RGS22: variants seen among roughly 807,000 people sequenced by gnomAD.
RGS22 encodes regulator of G protein signaling 22, also known as regulator of G-protein signaling 22.
Under a neutral mutation model 172.9 loss-of-function variants are expected in RGS22, and 148 were observed. The ratio of observed to expected loss-of-function variants is 0.86; its 90% confidence interval spans 0.75 to 0.98. The LOEUF (loss-of-function observed/expected upper bound fraction) is 0.98. RGS22 is among the 50% of genes least tolerant of loss of function. The pLI is 0.00. For missense variants in RGS22, 1,347 were observed against 1,440.8 expected (o/e 0.93, Z 1.05); for synonymous variants, 458 against 480.2 (o/e 0.95, Z 0.60).
At chr8:99,999,220 G>T (rs995535789) in intron 19 of RGS22, 42 bp downstream of exon 19, 43 of 1,558,800 alleles carry the variant, frequency 2.8e-5, no homozygotes, top group Non-Finnish European at 3.7e-5. Flanking sequence ...GTTTTCAGAG[G>T]TACTGACAAC....
rs374740685 is a variant in RGS22 at position 100,003,954 on chromosome 8, G to A, written c.2599C>T (p.Arg867Cys). The A allele has an allele frequency of 1.2e-5, 19 of 1,607,550 alleles. No individual in the cohort carries two copies. The highest frequency in any genetic ancestry group is 2.7e-5 in the African/African-American group (2 of 74,700). The change falls in exon 17 of 28, where the codon CGT (arginine) becomes TGT (cysteine). Residue 867 changes from arginine to cysteine, a missense_variant. Arg to Cys is a radical substitution (Grantham distance 180). Coordinates refer to ENST00000360863, the MANE Select transcript of RGS22 (RefSeq NM_015668.5). ...LNNKLEFEHF[R>C]QFLETHSSSM... ...GAAGAATGAGTCTCAAGAAACTGAC[G>A]GAAATGTTCAAACTCCAGTTTGTTG...
chr8:100,019,597 G>GT (rs1205772397), intron 14 of RGS22, among the ~76,000 whole-genome samples: 1 of 152,140 alleles, frequency 6.6e-6, no homozygotes, highest in Non-Finnish European at 1.5e-5. Flanking sequence ...CTCGTAGAGC[G>GT]TATCACCAGA....
chr8:100,042,069 C>A, intron 11 of RGS22, 153 bp from the exon 12 acceptor site: 3 of 502,426 alleles, frequency 6.0e-6, no homozygotes, highest in East Asian at 3.5e-5. Context: ...TCGTTCTAGC[C>A]CTAAAGTGGT....
chr8:100,040,045 T>A lies in RGS22; in HGVS notation c.1981A>T (p.Met661Leu). ...SDVGALGGSD[M>L]ENLLQSLYVE... ...TACAAAGATTGCAACAAATTTTCCA[T>A]GTCAGATCCTCCCAAGGCACCAACA... Residue 661 changes from methionine (M) to leucine (L), a missense_variant, in exon 13 of 28, where the codon ATG (methionine) becomes TTG (leucine). By Grantham distance (15) the Met-to-Leu change is conservative (BLOSUM62 2). Coordinates refer to ENST00000360863, the MANE Select transcript of RGS22 (RefSeq NM_015668.5). The A allele has an allele frequency of 6.2e-7, 1 of 1,610,250 alleles. No homozygotes were observed. The highest frequency in any genetic ancestry group is 8.5e-7 in the Non-Finnish European group (1 of 1,178,744).
At chr8:100,098,862 A>AT (rs1395545400) in intron 2 of RGS22, among the ~76,000 whole-genome samples, 1,248 of 54,672 alleles carry the variant, frequency 0.023, 73 homozygotes, top group African/African-American at 0.13. Context: ...TTATTATTTT[A>AT]TTTATTTTAT....
At chr8:100,018,705 C>T (rs558445219) in intron 14 of RGS22, among the ~76,000 whole-genome samples, 13 of 152,254 alleles carry the variant, frequency 8.5e-5, no homozygotes, top group African/African-American at 2.6e-4. Flanking sequence ...ATTTAAAATA[C>T]GACATTTCCC....
chr8:100,028,043 G>A (rs916314696), intron 14 of RGS22, among the ~76,000 whole-genome samples: 12 of 151,914 alleles, frequency 7.9e-5, no homozygotes, highest in African/African-American at 2.9e-4. Context: ...ATTTCACCTT[G>A]TGTATAACCC....
chr8:100,034,906 G>C (rs574644617), intron 14 of RGS22, among the ~76,000 whole-genome samples: 1 of 152,200 alleles, frequency 6.6e-6, no homozygotes, highest in Non-Finnish European at 1.5e-5. Context: ...CTAGCCATAT[G>C]TAAAAAGCTG....
chr8:99,974,004 A>T (rs899195821), intron 23 of RGS22, among the ~76,000 whole-genome samples: 3 of 152,080 alleles, frequency 2.0e-5, no homozygotes, highest in African/African-American at 4.8e-5. Context: ...AAAGTATAAT[A>T]AAAAAATGCA....
intron 14 of RGS22, among the ~76,000 whole-genome samples, chr8:100,025,575 G>A (rs1310550245): frequency 6.6e-6 from 1 of 152,186 alleles, no homozygotes; most frequent in African/African-American, 2.4e-5. Context: ...GCCTAGAGAA[G>A]GAGAACTTAG....
intron 14 of RGS22, among the ~76,000 whole-genome samples, chr8:100,022,403 T>C (rs933893201): frequency 1.1e-4 from 16 of 152,112 alleles, no homozygotes; most frequent in Non-Finnish European, 1.6e-4. Context: ...AAGGGGAAAA[T>C]AGAACGTGTT....
chr8:99,977,810 A>C, intron 23 of RGS22, 107 bp downstream of exon 23: 1 of 869,488 alleles, frequency 1.2e-6, no homozygotes, highest in African/African-American at 1.8e-5. Flanking sequence ...TAATATCTGT[A>C]TTCCATAACT....
At position 100,006,245 on chromosome 8, in the gene RGS22, A is replaced by C. The variant is rs1815697510; in HGVS notation, c.2362-136T>G. 3 of 672,942 alleles carry C rather than the reference A, an allele frequency of 4.5e-6. 1 individual carries two copies. Among genetic ancestry groups the C allele is most frequent in the Middle Eastern group, 8.1e-4 (2 of 2,458 alleles). The allele number at this position is 672,942 out of a possible 1,614,324, so 41.7% of individuals were successfully genotyped here. On this transcript the variant is annotated intron_variant, in intron 15 of 27. Coordinates refer to ENST00000360863, the MANE Select transcript of RGS22 (RefSeq NM_015668.5). ...AAGCAGGAAGATAACATAGTTTAAA[A>C]GATTAGCTACAGCAGGGTCACACTT...
intron 10 of RGS22, among the ~76,000 whole-genome samples, chr8:100,048,991 C>T (rs1222505693): frequency 1.3e-5 from 2 of 152,010 alleles, no homozygotes; most frequent in African/African-American, 4.8e-5. Flanking sequence ...TGTTCTACCA[C>T]AATAATTTTT....
chr8:100,103,540 G>T (rs370987885), intron 2 of RGS22, among the ~76,000 whole-genome samples: 43 of 152,242 alleles, frequency 2.8e-4, no homozygotes, highest in Middle Eastern at 3.4e-3. Flanking sequence ...CTGTTGACAC[G>T]GACATTCAGA....
rs1821742405 is a variant in RGS22 at position 100,052,294 on chromosome 8, T to C, written c.1689+508A>G. ...ATATATATATTTATATACATATTTA[T>C]ATTTATATGTTTTCTTTTTTTTTTT... is the stretch of plus-strand genomic sequence containing the variant. On this transcript the variant is annotated intron_variant, in intron 10 of 27. Coordinates refer to ENST00000360863, the MANE Select transcript of RGS22 (RefSeq NM_015668.5). 2.8e-5 allele frequency among the ~76,000 whole-genome samples: 4 copies of C among 143,506 alleles called. No homozygotes were observed. The South Asian group carries it at 8.4e-4, about 30-fold the overall frequency. The allele number at this position is 143,506 out of a possible 152,430, so 94.1% of individuals were successfully genotyped here.
At chr8:100,021,153 A>G (rs1249301712) in intron 14 of RGS22, among the ~76,000 whole-genome samples, 3 of 152,242 alleles carry the variant, frequency 2.0e-5, no homozygotes, top group East Asian at 1.9e-4. Context: ...CAGCTACTTC[A>G]AATATTTACT....
intron 27 of RGS22, among the ~76,000 whole-genome samples, chr8:99,962,013 CTG>C (rs967582404): frequency 1.3e-5 from 2 of 152,078 alleles, no homozygotes; most frequent in African/African-American, 4.8e-5. Flanking sequence ...CCAATCAAAA[CTG>C]TATAATCACC....
At chr8:100,103,940 T>C (rs934206695) in intron 2 of RGS22, among the ~76,000 whole-genome samples, 2 of 152,172 alleles carry the variant, frequency 1.3e-5, no homozygotes, top group African/African-American at 4.8e-5. Context: ...AAAGATTTGC[T>C]GGCTTCAGAA....
Sources: allele counts gnomAD v4.1 joint callset (sites outside exome capture counted in the v4.1 genomes callset), GRCh38; gene constraint gnomAD v4.1.1; transcripts MANE v1.5; gene names NCBI Gene and HGNC (gene_info 2026-07-23, HGNC 2026-07-21).